Variants in ESR1 observed in about 807,000 individuals in gnomAD.
The protein encoded by ESR1 is estrogen receptor.
A neutral mutation model predicts 52.7 loss-of-function variants in ESR1; 12 were observed. The observed-to-expected ratio is 0.23, with a 90% CI of 0.15 to 0.37. The LOEUF (loss-of-function observed/expected upper bound fraction) is 0.37. Among genes scored for constraint, ESR1 ranks in the 10% least tolerant of loss-of-function variants. The probability of loss-of-function intolerance (pLI) is 1.00; values close to 1 mark genes in which losing one functional copy is unlikely to be tolerated. For synonymous variants in ESR1, 305 were observed against 316.8 expected (o/e 0.96, Z 0.39); for missense variants, 584 against 779.7 (o/e 0.75, Z 2.99).
At chr6:151,950,144 T>C (rs1464609331) in intron 4 of ESR1, among the ~76,000 whole-genome samples, 1 of 152,224 alleles carries the variant, frequency 6.6e-6, no homozygotes, top group Non-Finnish European at 1.5e-5. Flanking sequence ...CTGCCATGAT[T>C]GTGAGGCCTC....
intron 1 of ESR1, among the ~76,000 whole-genome samples, chr6:151,701,483 C>T (rs1416228020): frequency 2.7e-5 from 4 of 146,536 alleles, no homozygotes; most frequent in East Asian, 2.0e-4. Context: ...GAGCCGAGAC[C>T]GCACCGTTGC....
At chr6:151,942,821 T>C (rs1332109862) in intron 3 of ESR1, among the ~76,000 whole-genome samples, 2 of 152,196 alleles carry the variant, frequency 1.3e-5, no homozygotes, top group Non-Finnish European at 2.9e-5. Context: ...TAACTTTTTA[T>C]CAAAACGATT....
intron 3 of ESR1, among the ~76,000 whole-genome samples, chr6:151,931,273 A>C (rs2033560444): frequency 6.6e-6 from 1 of 151,734 alleles, no homozygotes; most frequent in African/African-American, 2.4e-5. Flanking sequence ...CAGCTCACTG[A>C]TTATTTCCTT....
chr6:151,678,152 G>A (rs1424548645), intron 1 of ESR1, among the ~76,000 whole-genome samples: 1 of 152,110 alleles, frequency 6.6e-6, no homozygotes, highest in African/African-American at 2.4e-5. Context: ...CCTTGCACAT[G>A]AGAATCACCT....
intron 3 of ESR1, among the ~76,000 whole-genome samples, chr6:151,890,789 T>C (rs1269121489): frequency 6.6e-6 from 1 of 152,254 alleles, no homozygotes; most frequent in African/African-American, 2.4e-5. Flanking sequence ...TTTTATTTGA[T>C]ATAAATATAG....
intron 1 of ESR1, among the ~76,000 whole-genome samples, chr6:151,666,140 A>G (rs938468818): frequency 2.0e-5 from 3 of 152,228 alleles, no homozygotes; most frequent in African/African-American, 7.2e-5. Context: ...ATTGATTTAA[A>G]GCTGTAGAGG....
chr6:151,841,866 C>A (rs1784343235), intron 1 of ESR1, among the ~76,000 whole-genome samples: 1 of 152,102 alleles, frequency 6.6e-6, no homozygotes, highest in Admixed American at 6.5e-5. Context: ...TCACACATCA[C>A]CATTCTCAGC....
chr6:151,745,283 T>G (rs1783400761), intron 2 of ESR1, among the ~76,000 whole-genome samples: 1 of 152,166 alleles, frequency 6.6e-6, no homozygotes, highest in South Asian at 2.1e-4. Flanking sequence ...CTGGTCTCTT[T>G]CTGGCCTGAG....
chr6:151,748,252 C>T (rs1042446543), intron 2 of ESR1, among the ~76,000 whole-genome samples: 2 of 152,066 alleles, frequency 1.3e-5, no homozygotes, highest in African/African-American at 4.8e-5. Context: ...CAGACAGCCC[C>T]CCAGAATTAC....
intron 6 of ESR1, among the ~76,000 whole-genome samples, chr6:152,113,739 G>C (rs769724938): frequency 6.6e-6 from 1 of 152,120 alleles, no homozygotes; most frequent in Non-Finnish European, 1.5e-5. Flanking sequence ...CTAGAGGAAC[G>C]ACTAAAATAG....
intron 2 of ESR1, among the ~76,000 whole-genome samples, chr6:151,754,943 G>A (rs1252474151): frequency 6.6e-6 from 1 of 152,156 alleles, no homozygotes; most frequent in Non-Finnish European, 1.5e-5. Flanking sequence ...TGGGGGTGGT[G>A]GCTCACGCCT....
chr6:151,883,931 T>C (rs767226276), intron 3 of ESR1, among the ~76,000 whole-genome samples: 5 of 152,144 alleles, frequency 3.3e-5, no homozygotes, highest in Non-Finnish European at 5.9e-5. Flanking sequence ...CCTCATTGAA[T>C]CTTAATCACC....
intron 2 of ESR1, among the ~76,000 whole-genome samples, chr6:151,739,182 G>A (rs941840201): frequency 3.3e-5 from 5 of 152,162 alleles, no homozygotes; most frequent in African/African-American, 1.2e-4. Flanking sequence ...CTTGGTAATT[G>A]TCAGATTTCT....
chr6:151,803,884 A>G (rs1777515632), upstream of ESR1, among the ~76,000 whole-genome samples: 2 of 152,154 alleles, frequency 1.3e-5, no homozygotes, highest in South Asian at 4.1e-4. Flanking sequence ...GGGGAAGTTG[A>G]GAGGAACACC....
intron 1 of ESR1, among the ~76,000 whole-genome samples, chr6:151,657,400 T>C (rs1777492097): frequency 6.6e-6 from 1 of 152,184 alleles, no homozygotes; most frequent in African/African-American, 2.4e-5. Flanking sequence ...AGTTAAATAT[T>C]TTGGGTAACA....
chr6:151,760,868 C>A (rs117925708), intron 2 of ESR1, among the ~76,000 whole-genome samples: 2,596 of 152,152 alleles, frequency 0.017, 32 homozygotes, highest in Middle Eastern at 0.041. Context: ...AATAATGGAT[C>A]GATTAAAGTT....
At chr6:152,127,784 C>T (rs1427337968) in exon 7 of ESR1, 1 of 152,168 alleles carries the variant, frequency 6.6e-6, no homozygotes, top group African/African-American at 2.4e-5. Flanking sequence ...ACAAATTCTA[C>T]AAGAAACTGA....
At chr6:152,037,185 C>G (rs746109400) in intron 5 of ESR1, among the ~76,000 whole-genome samples, 3 of 151,922 alleles carry the variant, frequency 2.0e-5, no homozygotes, top group Admixed American at 6.6e-5. Context: ...CAGTTCTATC[C>G]GTATGGTCGG....
At chr6:151,672,708 G>T (rs1562321624) in intron 1 of ESR1, among the ~76,000 whole-genome samples, 1 of 151,776 alleles carries the variant, frequency 6.6e-6, no homozygotes, top group African/African-American at 2.4e-5. Context: ...CCTGACCTCA[G>T]GTGATCCACC....
Sources: gnomAD v4.1 joint callset for allele counts (sites outside exome capture counted in the v4.1 genomes callset) on GRCh38, gnomAD v4.1.1 for gene constraint, MANE v1.5 for transcripts, NCBI Gene and HGNC (gene_info 2026-07-23, HGNC 2026-07-21) for gene names.